The following ZNF577 variants were observed in gnomAD, a reference collection of about 807,000 sequenced individuals.
ZNF577 encodes the protein zinc finger protein 577.
In ZNF577, 14 loss-of-function variants were observed where a neutral mutation model predicts 13.9. The ratio of observed to expected loss-of-function variants is 1.00; its 90% confidence interval spans 0.66 to 1.57. The LOEUF (loss-of-function observed/expected upper bound fraction) is 1.57. Ranked by LOEUF, ZNF577 falls within the 40% of genes most tolerant of loss-of-function variation. ZNF577 has a pLI of 0.00. For synonymous variants in ZNF577, 203 were observed against 202.9 expected (o/e 1.00, Z 0.00); for missense variants, 555 against 579.2 (o/e 0.96, Z 0.43).
chr19:51,834,873 TG>T (rs1225743728), intron 9 of ZNF577, among the ~76,000 whole-genome samples: 1 of 151,972 alleles, frequency 6.6e-6, no homozygotes, highest in Non-Finnish European at 1.5e-5. Flanking sequence ...TTTGTAGAGG[TG>T]GGGTCTTGCT....
chr19:51,873,555 G>T lies in ZNF577; in HGVS notation c.435C>A (p.Leu145=), dbSNP rs759434815. The part of the protein sequence containing the change: ...CVKPSSPKSQ[L]NDLQKICAGG... ...CTGCACAAATTTTTTGTAGGTCATT[G>T]AGCTGTGATTTAGGGCTGCTGGGTT... Residue 145 remains leucine, a synonymous_variant, in exon 6 of 6, where the codon CTC becomes CTA. Coordinates refer to ENST00000638348, the MANE Select transcript of ZNF577 (RefSeq NM_001370449.1). 1 of 1,614,176 alleles carries T rather than the reference G, an allele frequency of 6.2e-7. No individual in the cohort carries two copies. The highest frequency in any genetic ancestry group is 1.7e-5 in the Admixed American group (1 of 60,030).
At chr19:51,879,304 T>C (rs2084822411) in intron 3 of ZNF577, among the ~76,000 whole-genome samples, 1 of 149,424 alleles carries the variant, frequency 6.7e-6, no homozygotes, top group Admixed American at 6.7e-5. Context: ...GCATGGTGGC[T>C]CACGCCTGTA....
At chr19:51,811,629 C>T (rs1354457023) in exon 10 of ZNF577, 2 of 152,176 alleles carry the variant, frequency 1.3e-5, no homozygotes, top group African/African-American at 4.8e-5. Context: ...CTGATTCTGT[C>T]GCTGTTCGGG....
chr19:51,825,028 T>C lies in ZNF577; in HGVS notation c.*600-13354A>G, dbSNP rs374832448. The C allele has an allele frequency of 1.8e-4, 92 of 522,178 alleles. No homozygotes were observed. The East Asian group carries it at 2.9e-3, about 16-fold the overall frequency. 32.3% of individuals were successfully genotyped at this position (522,178 alleles called of 1,614,324 possible). The stretch of plus-strand genomic sequence containing the variant: ...AATTCCAACACTATCTACCTGGAGC[T>C]ACTGTCAGATCCCACAGGTTTAAGG... On this transcript the variant is annotated intron_variant and NMD_transcript_variant, in intron 9 of 10. Transcript: ENST00000638827.
At chr19:51,842,960 G>A (rs1262414100) in intron 7 of ZNF577, 1 of 152,176 alleles carries the variant, frequency 6.6e-6, no homozygotes, top group Admixed American at 6.5e-5. Context: ...TAGAGCTTGT[G>A]AGAAAAAGTT....
At chr19:51,853,157 G>A (rs1039694621) in intron 5 of ZNF577, among the ~76,000 whole-genome samples, 21 of 152,134 alleles carry the variant, frequency 1.4e-4, no homozygotes, top group African/African-American at 5.1e-4. Context: ...GACTGGTCTC[G>A]AACTCCTGAG....
chr19:51,816,638 A>AG (rs1427002005), intron 9 of ZNF577, among the ~76,000 whole-genome samples: 1 of 152,340 alleles, frequency 6.6e-6, no homozygotes, highest in East Asian at 1.9e-4. Context: ...AAAGCTGATG[A>AG]GGGGGTCACA....
Position 51,853,416 on chromosome 19 carries a change from A to C in ZNF577, c.284-8485T>G, listed in dbSNP as rs111869676. ...TCAAGTAAAAAGTGAGCCAGGAGCC[A>C]GTAATCTCATGCAAAAAGGGCACTA... On this transcript the variant is annotated intron_variant and NMD_transcript_variant, in intron 5 of 10. Coordinates refer to the ZNF577 transcript ENST00000638827. Among the ~76,000 whole-genome samples the C allele has an allele frequency of 2.6e-5, 4 of 152,242 alleles. 1 individual carries two copies. Among genetic ancestry groups the C allele is most frequent in the Non-Finnish European group, 5.9e-5 (4 of 68,038 alleles).
Position 51,869,650 on chromosome 19 carries a change from TC to T in ZNF577, c.*2881del, listed in dbSNP as rs1274811816. On this transcript the variant is annotated 3_prime_UTR_variant, in exon 6 of 6. Transcript: ENST00000638348. ...TCTTATTTCTTTTCTCAGTCTCTCG[TC>T]CCCCCTGACGAGAAACACCCACAGG... Among the ~76,000 whole-genome samples the T allele has an allele frequency of 2.0e-5, 3 of 151,774 alleles. No homozygotes were observed. The highest frequency in any genetic ancestry group is 4.9e-5 in the African/African-American group (2 of 41,168).
intron 5 of ZNF577, among the ~76,000 whole-genome samples, chr19:51,850,109 T>C (rs2084372274): frequency 6.6e-6 from 1 of 152,194 alleles, no homozygotes; most frequent in Non-Finnish European, 1.5e-5. Context: ...GTGGTGGAAC[T>C]TATGAAGTAA....
intron 10 of ZNF577, among the ~76,000 whole-genome samples, chr19:51,809,970 C>T (rs112147465): frequency 0.12 from 18,353 of 152,144 alleles, 1,271 homozygotes; most frequent in Middle Eastern, 0.16. Flanking sequence ...AAATTTTGAG[C>T]GGCACTGATT....
At chr19:51,848,703 A>G (rs1453997533) in intron 5 of ZNF577, among the ~76,000 whole-genome samples, 1 of 152,196 alleles carries the variant, frequency 6.6e-6, no homozygotes, top group Non-Finnish European at 1.5e-5. Context: ...TATCTTGAAG[A>G]GCACAACCCA....
intron 1 of ZNF577, among the ~76,000 whole-genome samples, chr19:51,883,028 T>C (rs929557988): frequency 4.1e-5 from 6 of 147,906 alleles, no homozygotes; most frequent in African/African-American, 1.5e-4. Flanking sequence ...GGAGTCTCAA[T>C]CTGTCGCCAG....
chr19:51,881,786 G>A (rs2084865543), intron 1 of ZNF577, among the ~76,000 whole-genome samples: 2 of 152,180 alleles, frequency 1.3e-5, no homozygotes, highest in Non-Finnish European at 2.9e-5. Context: ...CTTCCACACA[G>A]ACAGGAAAGC....
At chr19:51,822,078 G>T (rs576310408) in intron 9 of ZNF577, among the ~76,000 whole-genome samples, 1 of 152,152 alleles carries the variant, frequency 6.6e-6, no homozygotes, top group Non-Finnish European at 1.5e-5. Flanking sequence ...AGCAAATTTG[G>T]TCAAGTGGCA....
rs560649543 is a variant in ZNF577, at chr19:51,880,918, T to G, written c.-218-41A>C. 2.2e-4 allele frequency: 34 copies of G among 154,446 alleles called. No homozygotes were observed. In the South Asian group the frequency reaches 5.5e-3, roughly 25 times the overall value. 9.6% of individuals were successfully genotyped at this position (154,446 alleles called of 1,614,324 possible). A position where few individuals can be genotyped will look rare whatever the true frequency, so the allele number is the denominator to read the frequency against. On this transcript the variant is annotated intron_variant, in intron 1 of 5. Coordinates refer to ENST00000638348, the MANE Select transcript of ZNF577 (RefSeq NM_001370449.1). Reference sequence around the variant, plus strand: ...CAAATTCAATGATAAGAAGACATGCTCCTAGGATCACAAGTCTCCAATTGC... The same window carrying G: ...CAAATTCAATGATAAGAAGACATGCGCCTAGGATCACAAGTCTCCAATTGC...
At chr19:51,818,083 C>T (rs1331933690) in intron 9 of ZNF577, among the ~76,000 whole-genome samples, 1 of 151,440 alleles carries the variant, frequency 6.6e-6, no homozygotes, top group Admixed American at 6.6e-5. Context: ...AAGCTGGAAA[C>T]CATCATTCTC....
intron 5 of ZNF577, chr19:51,856,056 A>C (rs893920205): frequency 2.6e-5 from 4 of 152,216 alleles, no homozygotes; most frequent in Non-Finnish European, 2.9e-5. Flanking sequence ...TCTTGAAAAG[A>C]AAATGCTGTT....
intron 9 of ZNF577, among the ~76,000 whole-genome samples, chr19:51,815,450 C>T (rs1372788897): frequency 6.6e-6 from 1 of 151,978 alleles, no homozygotes. Flanking sequence ...GCCCCAGCTA[C>T]TCAGGAGACT....
Sources: gnomAD v4.1 joint callset for allele counts (sites outside exome capture counted in the v4.1 genomes callset) on GRCh38, gnomAD v4.1.1 for gene constraint, MANE v1.5 for transcripts, NCBI Gene and HGNC (gene_info 2026-07-23, HGNC 2026-07-21) for gene names.